The following PRELID2 variants were observed in gnomAD, a reference collection of about 807,000 sequenced individuals.
PRELID2 encodes PRELI domain-containing protein 2.
PRELID2 carries 25 observed loss-of-function variants against 28.4 expected under a neutral mutation model. The observed-to-expected ratio is 0.88, with a 90% CI of 0.64 to 1.23. The LOEUF is 1.23. PRELID2 is among the 50% of genes most tolerant of loss of function. PRELID2 has a pLI of 0.00. For missense variants in PRELID2, 201 were observed against 214.4 expected (o/e 0.94, Z 0.39); for synonymous variants, 76 against 71.6 (o/e 1.06, Z -0.31).
intron 1 of PRELID2, among the ~76,000 whole-genome samples, chr5:145,720,340 A>G (rs1755954070): frequency 6.6e-6 from 1 of 151,876 alleles, no homozygotes. Context: ...TTTTAAAAAA[A>G]AAACCTCAGG....
the PRELID2 span, among the ~76,000 whole-genome samples, chr5:145,242,843 T>C: frequency 2.6e-5 from 4 of 152,054 alleles, no homozygotes; most frequent in African/African-American, 9.7e-5. Context: ...AAAACAAATG[T>C]CTAGGCTAAT....
intron 1 of PRELID2, among the ~76,000 whole-genome samples, chr5:145,600,430 A>ATATATATATATATATATATAT (rs797007372): frequency 8.0e-6 from 1 of 125,652 alleles, no homozygotes; most frequent in African/African-American, 4.4e-5. Flanking sequence ...GAAAAAAAAA[A>ATATATATATATATATATATAT]AAAAATATAT....
chr5:145,493,281 A>T (rs914665838), intron 1 of PRELID2, among the ~76,000 whole-genome samples: 1 of 152,072 alleles, frequency 6.6e-6, no homozygotes, highest in East Asian at 1.9e-4. Context: ...TGTCCAGATG[A>T]TCATCAGATC....
chr5:145,428,657 C>T, the PRELID2 span, among the ~76,000 whole-genome samples: 1 of 152,098 alleles, frequency 6.6e-6, no homozygotes, highest in African/African-American at 2.4e-5. Flanking sequence ...ACTTTGTGCA[C>T]ATGTACCCTA....
At chr5:145,328,394 C>T in the PRELID2 span, among the ~76,000 whole-genome samples, 1 of 152,166 alleles carries the variant, frequency 6.6e-6, no homozygotes, top group Non-Finnish European at 1.5e-5. Context: ...AATTTACACT[C>T]CCACCAACAG....
At chr5:145,421,269 C>T in the PRELID2 span, among the ~76,000 whole-genome samples, 1 of 146,940 alleles carries the variant, frequency 6.8e-6, no homozygotes, top group Non-Finnish European at 1.5e-5. Context: ...GGGAGGATTC[C>T]CTCTTTTTCT....
chr5:145,592,778 T>C (rs1340866448), intron 1 of PRELID2, among the ~76,000 whole-genome samples: 1 of 152,150 alleles, frequency 6.6e-6, no homozygotes, highest in African/African-American at 2.4e-5. Context: ...AAATAACATT[T>C]AATGTAAAAA....
chr5:145,322,018 T>A, the PRELID2 span, among the ~76,000 whole-genome samples: 398 of 152,292 alleles, frequency 2.6e-3, no homozygotes, highest in African/African-American at 9.1e-3. Flanking sequence ...CATTTTATGG[T>A]CTGGAGTCTG....
intron 1 of PRELID2, among the ~76,000 whole-genome samples, chr5:145,540,797 A>G (rs76772440): frequency 5.9e-5 from 9 of 151,830 alleles, no homozygotes; most frequent in African/African-American, 2.2e-4. Flanking sequence ...TATGCTTGAA[A>G]CCAGAATAAA....
chr5:145,744,812 T>C (rs1290240809), intron 1 of PRELID2, among the ~76,000 whole-genome samples: 1 of 151,896 alleles, frequency 6.6e-6, no homozygotes, highest in Non-Finnish European at 1.5e-5. Context: ...CTCCTCCAAA[T>C]GATTGCAACG....
chr5:145,356,867 G>T, the PRELID2 span, among the ~76,000 whole-genome samples: 1 of 152,112 alleles, frequency 6.6e-6, no homozygotes, highest in Non-Finnish European at 1.5e-5. Flanking sequence ...TTTTTGTGGT[G>T]GCTGGTAATG....
the PRELID2 span, among the ~76,000 whole-genome samples, chr5:145,302,863 T>G: frequency 6.6e-6 from 1 of 152,194 alleles, no homozygotes; most frequent in African/African-American, 2.4e-5. Flanking sequence ...ATCAAGTAGT[T>G]ATTTCTTCAA....
At chr5:145,575,387 G>A (rs74654510) in intron 1 of PRELID2, among the ~76,000 whole-genome samples, 1 of 152,278 alleles carries the variant, frequency 6.6e-6, no homozygotes, top group African/African-American at 2.4e-5. Context: ...TATGATTCAT[G>A]CATTTGATGA....
chr5:145,534,895 C>T (rs922046593), intron 1 of PRELID2, among the ~76,000 whole-genome samples: 3 of 151,864 alleles, frequency 2.0e-5, no homozygotes, highest in East Asian at 1.9e-4. Flanking sequence ...ATGACTTTCT[C>T]CCTATAGCAA....
At chr5:145,294,955 G>T in the PRELID2 span, among the ~76,000 whole-genome samples, 2 of 152,050 alleles carry the variant, frequency 1.3e-5, no homozygotes, top group African/African-American at 4.8e-5. Flanking sequence ...TATTCTGTGA[G>T]AGCAAAAAAC....
At chr5:145,299,018 T>G in the PRELID2 span, among the ~76,000 whole-genome samples, 1 of 152,222 alleles carries the variant, frequency 6.6e-6, no homozygotes, top group East Asian at 1.9e-4. Context: ...TTTGCAATAC[T>G]TATATATTTC....
At chr5:145,459,090 C>T in the PRELID2 span, among the ~76,000 whole-genome samples, 1,213 of 152,174 alleles carry the variant, frequency 8.0e-3, 11 homozygotes, top group African/African-American at 0.027. Context: ...TATGTGATTC[C>T]GACTGATCTT....
chr5:145,265,869 CA>C, the PRELID2 span, among the ~76,000 whole-genome samples: 1 of 152,184 alleles, frequency 6.6e-6, no homozygotes, highest in African/African-American at 2.4e-5. Flanking sequence ...TAGAAGATAA[CA>C]TTGCAAAATC....
At chr5:145,286,648 C>G in the PRELID2 span, among the ~76,000 whole-genome samples, 1 of 151,816 alleles carries the variant, frequency 6.6e-6, no homozygotes. Flanking sequence ...GAACTTATTT[C>G]CAGCTGAAAA....
Sources: gnomAD v4.1 joint callset for allele counts (sites outside exome capture counted in the v4.1 genomes callset) on GRCh38, gnomAD v4.1.1 for gene constraint, MANE v1.5 for transcripts, NCBI Gene and HGNC (gene_info 2026-07-23, HGNC 2026-07-21) for gene names.